Variants in SERPINB13 observed in about 807,000 individuals in gnomAD.
SERPINB13 encodes serpin family B member 13.
A neutral mutation model predicts 31.2 loss-of-function variants in SERPINB13; 26 were observed. The observed-to-expected ratio is 0.83, with a 90% confidence interval of 0.61 to 1.15. SERPINB13 has a LOEUF of 1.15. SERPINB13 is among the 50% of genes most tolerant of loss of function. The pLI is 0.00. For missense variants in SERPINB13, 510 were observed against 469.4 expected, an observed-to-expected ratio of 1.09 and a Z score of -0.80; for synonymous variants, 191 against 172.4, an observed-to-expected ratio of 1.11 and a Z score of -0.85.
chr18:63,588,907 C>T, intron 2 of SERPINB13, 75 bp downstream of exon 2: 2 of 1,472,160 alleles, frequency 1.4e-6, no homozygotes, highest in East Asian at 2.3e-5. Flanking sequence ...AGCCCTCTTG[C>T]ATTATCTTAA....
chr18:63,593,029 A>C, intron 5 of SERPINB13, 58 bp downstream of exon 5: 1 of 1,130,924 alleles, frequency 8.8e-7, no homozygotes, highest in South Asian at 1.3e-5. Flanking sequence ...ACAAACAAAC[A>C]AAAAACACTT....
Position 63,599,183 on chromosome 18 carries a change from G to A in SERPINB13, c.*1820G>A, listed in dbSNP as rs1020618005. On this transcript the variant is annotated 3_prime_UTR_variant, in exon 8 of 8. Transcript: ENST00000344731. The stretch of plus-strand genomic sequence containing the variant: ...CCTTAATTTATCAAATATATGATAC[G>A]TGGACATTTCCTCATAGTCTGTGGT... 6.6e-6 allele frequency: 1 copy of A among 152,078 alleles called. No homozygotes were observed. The highest frequency in any genetic ancestry group is 2.1e-4 in the South Asian group (1 of 4,822). The allele number at this position is 152,078 out of a possible 1,614,324, so 9.4% of individuals were successfully genotyped here. A position where few individuals can be genotyped will look rare whatever the true frequency, so the allele number is the denominator to read the frequency against.
At chr18:63,596,639 T>A (rs1050049412) in intron 7 of SERPINB13, among the ~76,000 whole-genome samples, 2 of 152,204 alleles carry the variant, frequency 1.3e-5, no homozygotes, top group South Asian at 4.1e-4. Context: ...TGATTGCAAC[T>A]ATGTAAATAT....
rs1568143762 is a variant in SERPINB13, at chr18:63,589,710, G to C, written c.220G>C (p.Glu74Gln). The change falls in exon 3 of 8, where the codon GAG becomes CAG. Residue 74 changes from glutamate (E) to glutamine (Q), a missense_variant. Physicochemically the swap from Glu to Gln is conservative, Grantham distance 29. Coordinates refer to ENST00000344731, the MANE Select transcript of SERPINB13 (RefSeq NM_012397.4). ...KSSRIKAEEKEVIENTEAVHQ... is the reference protein window; with the variant it reads ...KSSRIKAEEKQVIENTEAVHQ... Reference sequence around the variant, plus strand: ...CTCAAGAATAAAGGCTGAAGAAAAAGAGGTGGTAAGAATAAAGGCTGAAGG... The same window carrying C: ...CTCAAGAATAAAGGCTGAAGAAAAACAGGTGGTAAGAATAAAGGCTGAAGG... The C allele has an allele frequency of 6.2e-7, 1 of 1,613,296 alleles. No individual in the cohort carries two copies. The highest frequency in any genetic ancestry group is 1.7e-5 in the Admixed American group (1 of 59,996).
chr18:63,588,765 G>A lies in SERPINB13; in HGVS notation c.98G>A (p.Gly33Asp), dbSNP rs1377003006. ...GGCAACATCTTCTTTTCCCCTGTGGGCATCTTGACTGCAATTGGCATGGTC... is the reference window on the plus strand; with the variant it reads ...GGCAACATCTTCTTTTCCCCTGTGGACATCTTGACTGCAATTGGCATGGTC... ...NDGNIFFSPV[G>D]ILTAIGMVLL... The change falls in exon 2 of 8, where the codon GGC (glycine) becomes GAC (aspartate). Residue 33 changes from glycine (G) to aspartate (D), a missense_variant. Transcript: ENST00000344731. The A allele has an allele frequency of 1.5e-5, 24 of 1,614,124 alleles. No individual in the cohort carries two copies. Among genetic ancestry groups the A allele is most frequent in the Non-Finnish European group, 2.0e-5 (24 of 1,180,004 alleles).
In SERPINB13 at chr18:63,596,959, A is replaced by T; in HGVS notation, c.772A>T (p.Ile258Leu). Residue 258 changes from isoleucine to leucine, a missense_variant and splice_region_variant, in exon 8 of 8, where the codon ATA (isoleucine) becomes TTA (leucine). Physicochemically the swap from Ile to Leu is conservative, Grantham distance 5. Transcript: ENST00000344731. ...LPNDIDGLEK[I>L]IDKISPEKLV... Reference sequence around the variant, plus strand: ...TCTACTCTTCTTTTTTTGAAAATAGATAATAGATAAAATAAGTCCTGAGAA... The same window carrying T: ...TCTACTCTTCTTTTTTTGAAAATAGTTAATAGATAAAATAAGTCCTGAGAA... 1 of 1,593,014 alleles carries T rather than the reference A, an allele frequency of 6.3e-7. No homozygotes were observed. Among genetic ancestry groups the T allele is most frequent in the South Asian group, 1.1e-5 (1 of 88,624 alleles).
intron 4 of SERPINB13, 100 bp downstream of exon 4, chr18:63,592,576 GC>G: frequency 8.2e-7 from 1 of 1,216,264 alleles, no homozygotes; most frequent in Non-Finnish European, 1.2e-6. Flanking sequence ...CCTGGCTCTG[GC>G]CACATCCCTG....
At position 63,592,495 on chromosome 18, in the gene SERPINB13, C is replaced by T. The variant is rs1911913983; in HGVS notation, c.354+19C>T. 2 of 1,610,638 alleles carry T rather than the reference C, an allele frequency of 1.2e-6. No individual in the cohort carries two copies. Among genetic ancestry groups the T allele is most frequent in the Non-Finnish European group, 1.7e-6 (2 of 1,178,304 alleles). On this transcript the variant is annotated intron_variant, in intron 4 of 7. Transcript: ENST00000344731. Reference sequence around the variant, plus strand: ...CCTTCAAGTAAGTTTGCCATGCCTACCATATCTGTGAGTGGTATTCTGGAA... The same window carrying T: ...CCTTCAAGTAAGTTTGCCATGCCTATCATATCTGTGAGTGGTATTCTGGAA...
At chr18:63,596,729 A>T (rs1185786826) in intron 7 of SERPINB13, among the ~76,000 whole-genome samples, 1 of 152,246 alleles carries the variant, frequency 6.6e-6, no homozygotes, top group Non-Finnish European at 1.5e-5. Flanking sequence ...CTTATTTTTA[A>T]TCTTTAAAAA....
chr18:63,597,703 G>A lies in SERPINB13; in HGVS notation c.*340G>A, dbSNP rs539808471. On this transcript the variant is annotated 3_prime_UTR_variant, in exon 8 of 8. Transcript: ENST00000344731. ...TAAAGAGTACGAACTAGTAATTTTG[G>A]GGGGTCTCTCTAATTCTGGTATTTT... 2.0e-5 allele frequency: 4 copies of A among 197,950 alleles called. No homozygotes were observed. In the East Asian group the frequency reaches 3.5e-4, roughly 17 times the overall value. The allele number at this position is 197,950 out of a possible 1,614,324, so 12.3% of individuals were successfully genotyped here.
rs1911727542 is a variant in SERPINB13 at position 63,589,585 on chromosome 18, C to T, written c.166-71C>T. 7 of 1,563,026 alleles carry T rather than the reference C, an allele frequency of 4.5e-6. No individual in the cohort carries two copies. In the East Asian group the frequency reaches 1.6e-4, roughly 37 times the overall value. ...GAGGTTTCTTTCAGAAGCGTCCACT[C>T]TCCCCTGACTGATTCTGTGTGAGGT... On this transcript the variant is annotated intron_variant, in intron 2 of 7. Coordinates refer to ENST00000344731, the MANE Select transcript of SERPINB13 (RefSeq NM_012397.4).
Position 63,597,535 on chromosome 18 carries a change from T to A in SERPINB13, c.*172T>A, listed in dbSNP as rs563030890. On this transcript the variant is annotated 3_prime_UTR_variant, in exon 8 of 8. Coordinates refer to ENST00000344731, the MANE Select transcript of SERPINB13 (RefSeq NM_012397.4). ...ATAATGTGTGTGTTTATAACCATCC[T>A]CGAAAGTGAAATGTCCTTTTCTTTG... 66 of 687,784 alleles carry A rather than the reference T, an allele frequency of 9.6e-5. No homozygotes were observed. In the African/African-American group the frequency reaches 1.0e-3, roughly 11 times the overall value. The allele number at this position is 687,784 out of a possible 1,614,324, so 42.6% of individuals were successfully genotyped here.
intron 7 of SERPINB13, among the ~76,000 whole-genome samples, chr18:63,596,180 C>T (rs938775135): frequency 1.3e-5 from 2 of 152,098 alleles, no homozygotes; most frequent in South Asian, 2.1e-4. Context: ...TAACTGCTAT[C>T]GTCTTATACT....
At position 63,595,054 on chromosome 18, in the gene SERPINB13, T is replaced by C; in HGVS notation, c.641T>C (p.Met214Thr). ...AGCACAAGTAAATCTGTACAGATGA[T>C]GACACAGAGCCATTCCTTTAGCTTC... ...NKSTSKSVQM[M>T]TQSHSFSFTF... The change falls in exon 7 of 8, where the codon ATG becomes ACG. Residue 214 changes from methionine to threonine, a missense_variant. Coordinates refer to ENST00000344731, the MANE Select transcript of SERPINB13 (RefSeq NM_012397.4). The C allele has an allele frequency of 6.2e-6, 10 of 1,613,712 alleles. No homozygotes were observed. Among genetic ancestry groups the C allele is most frequent in the Non-Finnish European group, 8.5e-6 (10 of 1,179,834 alleles).
chr18:63,595,811 A>G (rs1912131705), intron 7 of SERPINB13, among the ~76,000 whole-genome samples: 1 of 152,048 alleles, frequency 6.6e-6, no homozygotes, highest in African/African-American at 2.4e-5. Context: ...AGACAGGAGA[A>G]TGGCGTGAAC....
In SERPINB13 at chr18:63,596,825, C is replaced by T. The variant is rs540646776; in HGVS notation, c.772-134C>T. ...ACAACCGCCTGCAGTATAAAGACAA[C>T]AATCTAGTGAAATAAAATTTCTACT... is the stretch of plus-strand genomic sequence containing the variant. On this transcript the variant is annotated intron_variant, in intron 7 of 7. Coordinates refer to ENST00000344731, the MANE Select transcript of SERPINB13 (RefSeq NM_012397.4). The T allele has an allele frequency of 1.7e-4, 114 of 686,024 alleles. No homozygotes were observed. The African/African-American group carries it at 1.9e-3, about 11-fold the overall frequency. 42.5% of individuals were successfully genotyped at this position (686,024 alleles called of 1,614,324 possible).
At position 63,597,259 on chromosome 18, in the gene SERPINB13, G is replaced by A. The variant is rs770383989; in HGVS notation, c.1072G>A (p.Ala358Thr). The change falls in exon 8 of 8, where the codon GCC becomes ACC. Residue 358 changes from alanine to threonine, a missense_variant. Transcript: ENST00000344731. ...CGGCATAGGCTTTACTGTCACATCC[G>A]CCCCAGGTCATGAAAATGTTCACTG... ...ATGIGFTVTS[A>T]PGHENVHCNH... 1.2e-4 allele frequency: 194 copies of A among 1,614,066 alleles called. No individual in the cohort carries two copies. Among genetic ancestry groups the A allele is most frequent in the South Asian group, 7.0e-4 (64 of 91,072 alleles).
rs1284436668 is a variant in SERPINB13 at position 63,598,003 on chromosome 18, G to A, written c.*640G>A. On this transcript the variant is annotated 3_prime_UTR_variant, in exon 8 of 8. Transcript: ENST00000344731. ...AAATGTGGTATTTGAGAAGATAAATGATGTAGTTGATCAGTATTCCTCCTC... is the reference window on the plus strand; with the variant it reads ...AAATGTGGTATTTGAGAAGATAAATAATGTAGTTGATCAGTATTCCTCCTC... The A allele has an allele frequency of 2.0e-5, 3 of 152,170 alleles. No individual in the cohort carries two copies. The highest frequency in any genetic ancestry group is 7.2e-5 in the African/African-American group (3 of 41,446). 9.4% of individuals were successfully genotyped at this position (152,170 alleles called of 1,614,324 possible).
chr18:63,594,840 AC>A (rs1031943044), intron 6 of SERPINB13, among the ~76,000 whole-genome samples, 188 bp from the exon 7 acceptor site: 3 of 151,690 alleles, frequency 2.0e-5, no homozygotes, highest in Admixed American at 1.3e-4. Flanking sequence ...TCCATCCCCC[AC>A]CCCCCCAAAA....
Sources: allele counts gnomAD v4.1 joint callset (sites outside exome capture counted in the v4.1 genomes callset), GRCh38; gene constraint gnomAD v4.1.1; transcripts MANE v1.5; gene names NCBI Gene and HGNC (gene_info 2026-07-23, HGNC 2026-07-21).